The following CFAP77 variants were observed in gnomAD, a reference collection of about 807,000 sequenced individuals.
The protein encoded by CFAP77 is cilia and flagella associated protein 77.
In CFAP77, 25 loss-of-function variants were observed where a neutral mutation model predicts 31.1. That is an observed-to-expected ratio of 0.80 (90% CI 0.59 to 1.12). The LOEUF (loss-of-function observed/expected upper bound fraction) is 1.12. Among genes scored for constraint, CFAP77 ranks in the 50% most tolerant of loss-of-function variants. The probability of loss-of-function intolerance (pLI) is 0.00; values close to 1 mark genes in which losing one functional copy is unlikely to be tolerated. For missense variants in CFAP77, 377 were observed against 397.3 expected (o/e 0.95, Z 0.44); for synonymous variants, 151 against 159.9 (o/e 0.94, Z 0.42).
intron 1 of CFAP77, among the ~76,000 whole-genome samples, chr9:132,414,817 A>T (rs1850069126): frequency 6.6e-6 from 1 of 152,218 alleles, no homozygotes; most frequent in African/African-American, 2.4e-5. Context: ...CATTATCATT[A>T]TCATCACGAG....
At chr9:132,509,830 C>A (rs1367392379) in intron 3 of CFAP77, among the ~76,000 whole-genome samples, 1 of 152,100 alleles carries the variant, frequency 6.6e-6, no homozygotes, top group Non-Finnish European at 1.5e-5. Flanking sequence ...AGGTAGCAGC[C>A]TGGGGCCCCC....
At chr9:132,475,866 C>T (rs987139070) in intron 1 of CFAP77, among the ~76,000 whole-genome samples, 11 of 152,190 alleles carry the variant, frequency 7.2e-5, no homozygotes, top group African/African-American at 2.4e-4. Flanking sequence ...ACTGATCCTA[C>T]CATGGCCATG....
At chr9:132,447,521 C>G (rs543315281) in intron 1 of CFAP77, among the ~76,000 whole-genome samples, 2 of 152,328 alleles carry the variant, frequency 1.3e-5, no homozygotes, top group Non-Finnish European at 2.9e-5. Flanking sequence ...GATCCCTGCT[C>G]CTGCCACCAG....
At chr9:132,466,962 G>A (rs540766261) in intron 1 of CFAP77, among the ~76,000 whole-genome samples, 1 of 152,306 alleles carries the variant, frequency 6.6e-6, no homozygotes, top group South Asian at 2.1e-4. Context: ...TGGATCACCT[G>A]AGGTCAGGAG....
chr9:132,417,111 TTTTTTTC>T (rs1850116696), intron 1 of CFAP77, among the ~76,000 whole-genome samples: 1 of 124,344 alleles, frequency 8.0e-6, no homozygotes, highest in Non-Finnish European at 1.6e-5. Flanking sequence ...TTTTGTTTTC[TTTTTTTC>T]TTTTTTTTTT....
Position 132,490,790 on chromosome 9 carries a change from A to T in CFAP77, c.196-7905A>T, listed in dbSNP as rs1851640321. 6.6e-6 allele frequency among the ~76,000 whole-genome samples: 1 copy of T among 152,198 alleles called. No homozygotes were observed. The highest frequency in any genetic ancestry group is 2.1e-4 in the South Asian group (1 of 4,836). On this transcript the variant is annotated intron_variant, in intron 1 of 5. Transcript: ENST00000393216. This position sits in a 1 kb window ranked among gnomAD's most constrained non-coding sequence, Gnocchi z 4.6. Reference sequence around the variant, plus strand: ...TGGGTCCCAGTCACTTTAGTCCTGAACAGCAGCTCCTCCGTCATTTTGTTC... The same window carrying T: ...TGGGTCCCAGTCACTTTAGTCCTGATCAGCAGCTCCTCCGTCATTTTGTTC...
At chr9:132,472,733 C>G (rs1430797558) in intron 1 of CFAP77, among the ~76,000 whole-genome samples, 2 of 152,200 alleles carry the variant, frequency 1.3e-5, no homozygotes, top group Non-Finnish European at 2.9e-5. Flanking sequence ...CACCACTGCA[C>G]TCCAGCCTGG....
chr9:132,444,878 C>G (rs952462420), intron 1 of CFAP77, among the ~76,000 whole-genome samples: 29 of 152,044 alleles, frequency 1.9e-4, no homozygotes, highest in African/African-American at 6.8e-4. Flanking sequence ...CTCCAGAACT[C>G]TTTTCATCTT....
In CFAP77 at chr9:132,447,930, A is replaced by G. The variant is rs143501460; in HGVS notation, c.195+37464A>G. 1.1e-3 allele frequency among the ~76,000 whole-genome samples: 172 copies of G among 152,280 alleles called. 3 individuals carry two copies. The East Asian group carries it at 0.03, about 27-fold the overall frequency. On this transcript the variant is annotated intron_variant, in intron 1 of 5. Transcript: ENST00000393216. ...ACAAGGCAGTGAGATTATTTGTTTT[A>G]CAGCAGCCGCTGTATTATGCAGTTA...
rs1564247142 is a variant in CFAP77 at position 132,543,424 on chromosome 9, C to T, written c.732+377C>T. On this transcript the variant is annotated intron_variant, in intron 5 of 5. Transcript: ENST00000393216. ...GAGGAGGCTGTCCACCTGGAGGAGG[C>T]TGTCTAGCTGGGGAAGGAGGCTGTC... Among the ~76,000 whole-genome samples the T allele has an allele frequency of 4.6e-5, 7 of 152,000 alleles. No homozygotes were observed. In the South Asian group the frequency reaches 1.2e-3, roughly 27 times the overall value.
intron 1 of CFAP77, among the ~76,000 whole-genome samples, chr9:132,418,276 G>C (rs2131677510): frequency 6.6e-6 from 1 of 152,356 alleles, no homozygotes; most frequent in East Asian, 1.9e-4. Flanking sequence ...GTGGCATCTG[G>C]TGGGCAGAGG....
intron 3 of CFAP77, among the ~76,000 whole-genome samples, chr9:132,504,267 G>T (rs1851898870): frequency 1.3e-5 from 2 of 152,142 alleles, no homozygotes; most frequent in African/African-American, 4.8e-5. Flanking sequence ...TGTGCAGCCG[G>T]AACACCCACA....
rs1851781690 is a variant in CFAP77, at chr9:132,498,488, A to G, written c.196-207A>G. ...TCACTTGCCTTCAGCACAGACACAC[A>G]GACCCGCTTCTGCTGTGTGACCCTG... On this transcript the variant is annotated intron_variant, in intron 1 of 5. Transcript: ENST00000393216. The surrounding 1 kb of genome is among the most constrained non-coding windows in gnomAD (Gnocchi z 4.2). Among the ~76,000 whole-genome samples the G allele has an allele frequency of 6.6e-6, 1 of 152,096 alleles. No homozygotes were observed. Among genetic ancestry groups the G allele is most frequent in the Admixed American group, 6.5e-5 (1 of 15,290 alleles).
chr9:132,535,358 C>T (rs1019549748), intron 3 of CFAP77, among the ~76,000 whole-genome samples: 1 of 152,202 alleles, frequency 6.6e-6, no homozygotes, highest in African/African-American at 2.4e-5. Context: ...CAGATTTCCT[C>T]ATGGTTCTTT....
chr9:132,442,744 A>G (rs955281211), intron 1 of CFAP77, among the ~76,000 whole-genome samples: 1 of 150,970 alleles, frequency 6.6e-6, no homozygotes, highest in Non-Finnish European at 1.5e-5. Flanking sequence ...ATCTTGCTAT[A>G]TTGCCCAGTC....
At chr9:132,525,642 G>T (rs1852345457) in intron 3 of CFAP77, among the ~76,000 whole-genome samples, 1 of 152,140 alleles carries the variant, frequency 6.6e-6, no homozygotes, top group Non-Finnish European at 1.5e-5. Flanking sequence ...GTGTGTGTGT[G>T]ATGTATTTAG....
At chr9:132,460,706 C>T (rs1173436348) in intron 1 of CFAP77, among the ~76,000 whole-genome samples, 1 of 152,018 alleles carries the variant, frequency 6.6e-6, no homozygotes, top group Non-Finnish European at 1.5e-5. Context: ...GATGGTTGTG[C>T]AACATTGTGA....
rs56232343 is a variant in CFAP77, at chr9:132,471,687, T to TTTTTGTTTTG, written c.196-26989_196-26980dup. On this transcript the variant is annotated intron_variant, in intron 1 of 5. Transcript: ENST00000393216. ...GGAGCATTGTGAGAGAGGGGGGTTG[T>TTTTTGTTTTG]TTTTGTTTTGTTTTGTTTTGTTTTG... is the stretch of plus-strand genomic sequence containing the variant. Among the ~76,000 whole-genome samples the TTTTTGTTTTG allele has an allele frequency of 2.7e-3, 400 of 148,812 alleles. 2 individuals carry two copies. The highest frequency in any genetic ancestry group is 7.9e-3 in the East Asian group (39 of 4,952).
chr9:132,534,353 C>T (rs1852508661), intron 3 of CFAP77, among the ~76,000 whole-genome samples: 1 of 152,096 alleles, frequency 6.6e-6, no homozygotes, highest in Admixed American at 6.5e-5. Flanking sequence ...TGGCTCATGC[C>T]TGTAATCCTA....
Sources: gnomAD v4.1 joint callset for allele counts (sites outside exome capture counted in the v4.1 genomes callset) on GRCh38, gnomAD v4.1.1 for gene constraint, Gnocchi (gnomAD v3.1) non-coding constraint, MANE v1.5 for transcripts, NCBI Gene and HGNC (gene_info 2026-07-23, HGNC 2026-07-21) for gene names.